Variants in EPC1 observed in about 807,000 individuals in gnomAD.
EPC1 encodes the protein enhancer of polycomb homolog 1.
A neutral mutation model predicts 98.4 loss-of-function variants in EPC1; 12 were observed. The ratio of observed to expected loss-of-function variants is 0.12; its 90% CI spans 0.08 to 0.20. The LOEUF is 0.20. Among genes scored for constraint, EPC1 ranks in the 10% least tolerant of loss-of-function variants. EPC1 has a pLI of 1.00. For missense variants in EPC1, 729 were observed against 990.5 expected (o/e 0.74, Z 3.54); for synonymous variants, 357 against 363.9 (o/e 0.98, Z 0.21).
At chr10:32,355,372 A>G (rs1028194032) in intron 1 of EPC1, among the ~76,000 whole-genome samples, 1 of 152,212 alleles carries the variant, frequency 6.6e-6, no homozygotes, top group Non-Finnish European at 1.5e-5. Context: ...CATCCCAACA[A>G]TTAATTTCTC....
intron 1 of EPC1, among the ~76,000 whole-genome samples, chr10:32,343,043 G>A (rs1399002669): frequency 6.6e-6 from 1 of 151,952 alleles, no homozygotes; most frequent in East Asian, 1.9e-4. Context: ...ATTCATAATA[G>A]GACATATGCC....
chr10:32,313,892 AAAAT>A (rs1836401257), intron 1 of EPC1, among the ~76,000 whole-genome samples: 1 of 152,176 alleles, frequency 6.6e-6, no homozygotes, highest in South Asian at 2.1e-4. Context: ...TCTCCAAAAA[AAAAT>A]AAATAAATAA....
At position 32,306,095 on chromosome 10, in the gene EPC1, A is replaced by G. The variant is rs573105660; in HGVS notation, c.154-164T>C. On this transcript the variant is annotated intron_variant, in intron 1 of 13. Coordinates refer to ENST00000319778, the MANE Select transcript of EPC1 (RefSeq NM_001272004.3). Reference sequence around the variant, plus strand: ...ACACGATACAACTAGTGATAAAATCAGTTCAGGTAGAAACAAAAAAAATTT... The same window carrying G: ...ACACGATACAACTAGTGATAAAATCGGTTCAGGTAGAAACAAAAAAAATTT... Among the ~76,000 whole-genome samples, 8 of 152,364 alleles carry G rather than the reference A, an allele frequency of 5.3e-5. 1 individual carries two copies. Among genetic ancestry groups the G allele is most frequent in the Admixed American group, 5.2e-4 (8 of 15,306 alleles).
intron 1 of EPC1, among the ~76,000 whole-genome samples, chr10:32,344,916 T>C (rs1362731165): frequency 6.6e-6 from 1 of 152,232 alleles, no homozygotes; most frequent in African/African-American, 2.4e-5. Flanking sequence ...GTCCAAAGTA[T>C]TCACAGAAGC....
chr10:32,272,994 G>A, intron 11 of EPC1, 169 bp downstream of exon 11: 1 of 1,599,682 alleles, frequency 6.3e-7, no homozygotes, highest in Non-Finnish European at 8.6e-7. Context: ...GGGAGCAGAG[G>A]CAACAGCTTC....
intron 11 of EPC1, 80 bp from the exon 12 acceptor site, chr10:32,272,247 A>C: frequency 8.5e-7 from 1 of 1,175,990 alleles, no homozygotes; most frequent in Non-Finnish European, 1.2e-6. Context: ...GCATACCAAA[A>C]TCAGTTTGAA....
At chr10:32,323,465 T>G (rs534479752) in intron 1 of EPC1, among the ~76,000 whole-genome samples, 1 of 152,358 alleles carries the variant, frequency 6.6e-6, no homozygotes, top group Non-Finnish European at 1.5e-5. Flanking sequence ...ATAAATTCTT[T>G]TCTTCTATAT....
At chr10:32,296,903 T>C (rs1168010935) in intron 2 of EPC1, among the ~76,000 whole-genome samples, 2 of 144,252 alleles carry the variant, frequency 1.4e-5, no homozygotes, top group African/African-American at 2.8e-5. Context: ...CAAGACTCCA[T>C]CTCAAAAAAA....
chr10:32,302,240 C>CA (rs879413956), intron 2 of EPC1, among the ~76,000 whole-genome samples: 104 of 138,822 alleles, frequency 7.5e-4, no homozygotes, highest in East Asian at 1.2e-3. Context: ...GACTCCGTCT[C>CA]AAAAAAAAAA....
intron 1 of EPC1, among the ~76,000 whole-genome samples, chr10:32,324,428 G>A (rs1394945103): frequency 1.3e-5 from 2 of 151,380 alleles, no homozygotes; most frequent in South Asian, 2.1e-4. Context: ...CTACTCAGGA[G>A]GCTGAGGCAG....
intron 1 of EPC1, among the ~76,000 whole-genome samples, chr10:32,326,600 T>A (rs909066194): frequency 1.3e-5 from 2 of 152,154 alleles, no homozygotes; most frequent in Admixed American, 1.3e-4. Context: ...CTAAAATATA[T>A]GCCACTGGCT....
chr10:32,298,090 C>A (rs920272826), intron 2 of EPC1, among the ~76,000 whole-genome samples: 2 of 152,162 alleles, frequency 1.3e-5, no homozygotes, highest in Non-Finnish European at 2.9e-5. Context: ...AGCCACCGCG[C>A]CTGGCCAGTT....
At chr10:32,342,198 T>A (rs187658846) in intron 1 of EPC1, among the ~76,000 whole-genome samples, 16 of 152,378 alleles carry the variant, frequency 1.1e-4, no homozygotes, top group Non-Finnish European at 8.8e-5. Context: ...TGAGATTTCA[T>A]GTATTTCTCT....
intron 1 of EPC1, among the ~76,000 whole-genome samples, chr10:32,309,675 G>A (rs1308313511): frequency 6.7e-6 from 1 of 148,552 alleles, no homozygotes; most frequent in Non-Finnish European, 1.5e-5. Context: ...GGGCAACATA[G>A]CCACACCCTG....
intron 1 of EPC1, among the ~76,000 whole-genome samples, chr10:32,344,281 T>C (rs934612726): frequency 2.6e-5 from 4 of 152,214 alleles, no homozygotes; most frequent in African/African-American, 9.6e-5. Context: ...AAGCAGCTTG[T>C]TTACCAGGTA....
intron 1 of EPC1, among the ~76,000 whole-genome samples, chr10:32,356,943 T>C (rs945009659): frequency 2.6e-5 from 4 of 152,046 alleles, no homozygotes; most frequent in Admixed American, 2.0e-4. Context: ...ATCGCACCAC[T>C]GCACTCCAGC....
chr10:32,346,374 C>A, intron 1 of EPC1: 1 of 176,980 alleles, frequency 5.7e-6, no homozygotes, highest in Non-Finnish European at 1.2e-5. Flanking sequence ...GTAGGCGGGT[C>A]CTCCACGGCT....
intron 2 of EPC1, among the ~76,000 whole-genome samples, chr10:32,298,371 C>G (rs1001256851): frequency 3.3e-5 from 5 of 152,102 alleles, no homozygotes; most frequent in African/African-American, 1.2e-4. Flanking sequence ...TATCTGGATC[C>G]ATGAAACAGC....
chr10:32,280,086 TA>T (rs1564521566), intron 10 of EPC1, among the ~76,000 whole-genome samples: 1 of 152,158 alleles, frequency 6.6e-6, no homozygotes, highest in East Asian at 1.9e-4. Flanking sequence ...GGAAGGAAAG[TA>T]AAAAAGATTC....
Sources: gnomAD v4.1 joint callset for allele counts (sites outside exome capture counted in the v4.1 genomes callset) on GRCh38, gnomAD v4.1.1 for gene constraint, MANE v1.5 for transcripts, NCBI Gene and HGNC (gene_info 2026-07-23, HGNC 2026-07-21) for gene names.